The following ADCY8 variants were observed in gnomAD, a reference collection of about 807,000 sequenced individuals.
ADCY8 encodes the protein adenylate cyclase type 8.
ADCY8 carries 51 observed loss-of-function variants against 119.7 expected under a neutral mutation model. The observed-to-expected ratio is 0.43, with a 90% confidence interval of 0.34 to 0.54. The LOEUF (loss-of-function observed/expected upper bound fraction) is 0.54. Among genes scored for constraint, ADCY8 ranks in the 20% least tolerant of loss-of-function variants. The pLI, the probability that ADCY8 is intolerant of heterozygous loss-of-function variation, is 0.03. For missense variants in ADCY8, 1,383 were observed against 1,598.8 expected (o/e 0.87, Z 2.30); for synonymous variants, 665 against 651.0 (o/e 1.02, Z -0.33).
intron 8 of ADCY8, among the ~76,000 whole-genome samples, chr8:130,877,886 A>C (rs1818626507): frequency 6.6e-6 from 1 of 152,134 alleles, no homozygotes; most frequent in South Asian, 2.1e-4. Flanking sequence ...TGCTTAGATT[A>C]ATGACGGTTG....
chr8:130,963,920 A>G (rs568994553), intron 2 of ADCY8, among the ~76,000 whole-genome samples: 8 of 152,326 alleles, frequency 5.3e-5, no homozygotes, highest in African/African-American at 1.7e-4. Flanking sequence ...TCTAGAAATA[A>G]GAAATAAGAC....
At chr8:130,861,995 G>A (rs1478483530) in intron 9 of ADCY8, among the ~76,000 whole-genome samples, 1 of 152,140 alleles carries the variant, frequency 6.6e-6, no homozygotes, top group East Asian at 1.9e-4. Context: ...ATTTTAGAAT[G>A]TTGAATAAAC....
chr8:130,902,480 G>A (rs1819634723), intron 7 of ADCY8, among the ~76,000 whole-genome samples: 4 of 152,172 alleles, frequency 2.6e-5, no homozygotes, highest in Admixed American at 6.5e-5. Context: ...ACTCTTGCAA[G>A]GCATGCAGCC....
intron 2 of ADCY8, among the ~76,000 whole-genome samples, chr8:130,975,063 T>G (rs1333868393): frequency 6.6e-6 from 1 of 152,158 alleles, no homozygotes; most frequent in African/African-American, 2.4e-5. Context: ...CTTCGATCTA[T>G]CAAGAGAGAA....
intron 9 of ADCY8, among the ~76,000 whole-genome samples, chr8:130,864,038 G>A (rs1466717688): frequency 6.6e-6 from 1 of 152,062 alleles, no homozygotes; most frequent in African/African-American, 2.4e-5. Flanking sequence ...TTGTTTTTCT[G>A]AGAAAGTATT....
At chr8:130,973,264 T>C (rs569645911) in intron 2 of ADCY8, among the ~76,000 whole-genome samples, 1 of 152,246 alleles carries the variant, frequency 6.6e-6, no homozygotes, top group Non-Finnish European at 1.5e-5. Context: ...TAATTCCTTT[T>C]GGCTAATGCC....
chr8:131,036,935 A>G (rs1824174562), intron 1 of ADCY8, among the ~76,000 whole-genome samples: 1 of 152,222 alleles, frequency 6.6e-6, no homozygotes, highest in Admixed American at 6.5e-5. Context: ...TCGAGTTGCT[A>G]TAAGAAGTGT....
intron 14 of ADCY8, among the ~76,000 whole-genome samples, chr8:130,813,725 T>G (rs982015179): frequency 6.6e-6 from 1 of 152,194 alleles, no homozygotes; most frequent in African/African-American, 2.4e-5. Flanking sequence ...CTTTTTTCAA[T>G]TATTTTGGGT....
chr8:130,782,115 C>T (rs1291144306), intron 17 of ADCY8, among the ~76,000 whole-genome samples: 1 of 151,806 alleles, frequency 6.6e-6, no homozygotes, highest in African/African-American at 2.4e-5. Flanking sequence ...TAGCAAAGAC[C>T]TTGTTGAGCA....
At chr8:130,842,324 A>G (rs1471507199) in intron 11 of ADCY8, among the ~76,000 whole-genome samples, 2 of 152,148 alleles carry the variant, frequency 1.3e-5, no homozygotes, top group African/African-American at 4.8e-5. Context: ...ACAAATGTGG[A>G]AAAACTCATG....
At chr8:130,868,516 G>A (rs1188132988) in intron 8 of ADCY8, among the ~76,000 whole-genome samples, 2 of 152,212 alleles carry the variant, frequency 1.3e-5, no homozygotes, top group Non-Finnish European at 2.9e-5. Context: ...CAGCCCTGGG[G>A]AATGGTGGTA....
chr8:130,967,513 C>T (rs1821797245), intron 2 of ADCY8, among the ~76,000 whole-genome samples: 1 of 152,140 alleles, frequency 6.6e-6, no homozygotes, highest in Non-Finnish European at 1.5e-5. Flanking sequence ...TGACAAAGCT[C>T]CTTATGAAAA....
At chr8:130,936,652 G>A (rs994968574) in intron 5 of ADCY8, among the ~76,000 whole-genome samples, 16 of 152,172 alleles carry the variant, frequency 1.1e-4, no homozygotes, top group Middle Eastern at 3.4e-3. Context: ...AACATCCTAC[G>A]TTGAATTAAC....
intron 1 of ADCY8, among the ~76,000 whole-genome samples, chr8:131,020,489 T>C (rs1254886982): frequency 6.6e-6 from 1 of 152,186 alleles, no homozygotes; most frequent in Non-Finnish European, 1.5e-5. Context: ...AAATAGAGAA[T>C]GCTGAATTCA....
At chr8:130,941,391 G>A (rs561707637) in intron 4 of ADCY8, among the ~76,000 whole-genome samples, 1 of 152,234 alleles carries the variant, frequency 6.6e-6, no homozygotes, top group South Asian at 2.1e-4. Flanking sequence ...CTTTCTCTGG[G>A]TCAGCAGGGT....
At chr8:130,829,672 T>C (rs1816771150) in intron 12 of ADCY8, among the ~76,000 whole-genome samples, 1 of 152,208 alleles carries the variant, frequency 6.6e-6, no homozygotes, top group African/African-American at 2.4e-5. Context: ...AGAAGGATGT[T>C]TGGGACAAGT....
At chr8:130,982,614 A>G (rs913556710) in intron 2 of ADCY8, among the ~76,000 whole-genome samples, 1 of 152,240 alleles carries the variant, frequency 6.6e-6, no homozygotes. Context: ...CTAGCAAGTT[A>G]GAAATAGAAA....
intron 3 of ADCY8, among the ~76,000 whole-genome samples, chr8:130,951,260 T>C (rs1213080404): frequency 1.3e-5 from 2 of 152,200 alleles, no homozygotes; most frequent in Admixed American, 6.5e-5. Context: ...GAATTGGGAT[T>C]TTAAAGCTTG....
intron 6 of ADCY8, among the ~76,000 whole-genome samples, chr8:130,906,886 A>G (rs1819803186): frequency 6.6e-6 from 1 of 151,690 alleles, no homozygotes; most frequent in South Asian, 2.1e-4. Context: ...AACCTTAGGT[A>G]TTAGACATTT....
Sources: allele counts gnomAD v4.1 joint callset (sites outside exome capture counted in the v4.1 genomes callset), GRCh38; gene constraint gnomAD v4.1.1; transcripts MANE v1.5; gene names NCBI Gene and HGNC (gene_info 2026-07-23, HGNC 2026-07-21).